The following PRKG1 variants were observed in gnomAD, a reference collection of about 807,000 sequenced individuals.
The protein encoded by PRKG1 is protein kinase cGMP-dependent 1.
In PRKG1, 35 loss-of-function variants were observed where a neutral mutation model predicts 88.1. That is an observed-to-expected ratio of 0.40 (90% CI 0.30 to 0.53). The LOEUF is 0.53. Ranked by LOEUF, PRKG1 falls within the 20% of genes least tolerant of loss-of-function variation. The pLI, the probability that PRKG1 is intolerant of heterozygous loss-of-function variation, is 0.59. For synonymous variants in PRKG1, 303 were observed against 292.5 expected (o/e 1.04, Z -0.37); for missense variants, 540 against 839.8 (o/e 0.64, Z 4.41).
chr10:51,833,443 T>C (rs2132757992), intron 4 of PRKG1, among the ~76,000 whole-genome samples: 1 of 152,320 alleles, frequency 6.6e-6, no homozygotes. Flanking sequence ...GATAGGTATG[T>C]ATTATTCCAA....
intron 3 of PRKG1, among the ~76,000 whole-genome samples, chr10:51,488,622 A>G (rs932367662): frequency 2.0e-5 from 3 of 152,166 alleles, no homozygotes; most frequent in East Asian, 3.8e-4. Flanking sequence ...AGATGTGTTT[A>G]ACTAGGATCC....
At position 51,804,925 on chromosome 10, in the gene PRKG1, C is replaced by T. The variant is rs558508094; in HGVS notation, c.698+235C>T. ...ATATTTCTGGTGCCAGTTTCCATGACGTATGGTTAAGTCAGAACTTCAGAG... is the reference window on the plus strand; with the variant it reads ...ATATTTCTGGTGCCAGTTTCCATGATGTATGGTTAAGTCAGAACTTCAGAG... On this transcript the variant is annotated intron_variant, in intron 4 of 17. Coordinates refer to ENST00000373980, the MANE Select transcript of PRKG1 (RefSeq NM_006258.4). Among the ~76,000 whole-genome samples, 14 of 152,060 alleles carry T rather than the reference C, an allele frequency of 9.2e-5. No individual in the cohort carries two copies. In the South Asian group the frequency reaches 1.0e-3, roughly 11 times the overall value.
At chr10:51,230,657 G>C (rs917261153) in intron 2 of PRKG1, among the ~76,000 whole-genome samples, 5 of 151,998 alleles carry the variant, frequency 3.3e-5, no homozygotes, top group African/African-American at 1.2e-4. Flanking sequence ...GCATAAAATA[G>C]TATTTGCATA....
intron 3 of PRKG1, among the ~76,000 whole-genome samples, chr10:51,681,110 A>C (rs539259000): frequency 6.6e-6 from 1 of 152,328 alleles, no homozygotes; most frequent in South Asian, 2.1e-4. Flanking sequence ...AATGTTATCT[A>C]GTCATAAGAT....
At chr10:51,761,100 C>T (rs929762279) in intron 3 of PRKG1, among the ~76,000 whole-genome samples, 2 of 152,134 alleles carry the variant, frequency 1.3e-5, no homozygotes, top group Non-Finnish European at 2.9e-5. Flanking sequence ...GGTTATAGGG[C>T]GAGACTGGGT....
intron 2 of PRKG1, among the ~76,000 whole-genome samples, chr10:51,366,368 TA>T (rs1432419174): frequency 6.6e-6 from 1 of 151,968 alleles, no homozygotes; most frequent in Middle Eastern, 3.2e-3. Context: ...ACTTAGATTT[TA>T]AAGAGCATTC....
chr10:51,465,527 C>T (rs1839882101), intron 2 of PRKG1, among the ~76,000 whole-genome samples: 1 of 152,152 alleles, frequency 6.6e-6, no homozygotes, highest in South Asian at 2.1e-4. Context: ...GGAGTCTCTA[C>T]CACTAGGCTG....
At chr10:51,493,444 T>C (rs1840762765) in intron 3 of PRKG1, among the ~76,000 whole-genome samples, 1 of 151,174 alleles carries the variant, frequency 6.6e-6, no homozygotes, top group African/African-American at 2.5e-5. Context: ...AAAACAATTA[T>C]ACTGCATATG....
chr10:52,207,704 G>T (rs1589700479), intron 9 of PRKG1, among the ~76,000 whole-genome samples: 1 of 152,230 alleles, frequency 6.6e-6, no homozygotes, highest in Non-Finnish European at 1.5e-5. Context: ...GATTCCAGGG[G>T]TCTATGGCAA....
intron 2 of PRKG1, among the ~76,000 whole-genome samples, chr10:51,235,671 G>T (rs575233504): frequency 4.1e-4 from 63 of 152,070 alleles, no homozygotes; most frequent in Non-Finnish European, 6.8e-4. Context: ...GTTACACAGA[G>T]ATTTTCTGAT....
chr10:51,274,284 C>A (rs2132183984), intron 2 of PRKG1, among the ~76,000 whole-genome samples: 1 of 152,250 alleles, frequency 6.6e-6, no homozygotes, highest in South Asian at 2.1e-4. Context: ...GCTGTTCTTT[C>A]CTTTCCTAGA....
In PRKG1 at chr10:52,144,967, T is replaced by C. The variant is rs191409250; in HGVS notation, c.1001+11062T>C. Among the ~76,000 whole-genome samples the C allele has an allele frequency of 9.4e-4, 143 of 152,272 alleles. 1 individual carries two copies. Among genetic ancestry groups the C allele is most frequent in the African/African-American group, 3.4e-3 (142 of 41,562 alleles). Reference sequence around the variant, plus strand: ...AAGAAAAAATAATAGATGTATGTAATAGATAAAGAATAGAACAAGACAGAG... The same window carrying C: ...AAGAAAAAATAATAGATGTATGTAACAGATAAAGAATAGAACAAGACAGAG... On this transcript the variant is annotated intron_variant, in intron 8 of 17. Transcript: ENST00000373980.
intron 2 of PRKG1, among the ~76,000 whole-genome samples, chr10:51,396,260 G>T (rs939241362): frequency 6.6e-6 from 1 of 152,028 alleles, no homozygotes. Flanking sequence ...AATTAACTGG[G>T]CGTGGTGACA....
At chr10:51,570,488 G>A (rs12267570) in intron 3 of PRKG1, among the ~76,000 whole-genome samples, 21,476 of 151,792 alleles carry the variant, frequency 0.14, 1,625 homozygotes, top group African/African-American at 0.19. Flanking sequence ...CTGAAGAAGA[G>A]GAAGGGTCTT....
intron 2 of PRKG1, among the ~76,000 whole-genome samples, chr10:51,360,663 T>C (rs1842459715): frequency 6.6e-6 from 1 of 151,976 alleles, no homozygotes. Flanking sequence ...ATTACTGTAC[T>C]ACCCACAGGC....
intron 2 of PRKG1, among the ~76,000 whole-genome samples, chr10:51,289,225 A>C (rs1487204078): frequency 6.6e-6 from 1 of 152,184 alleles, no homozygotes; most frequent in Non-Finnish European, 1.5e-5. Flanking sequence ...GTTGTTCATC[A>C]ACATTAATGG....
chr10:51,896,837 T>C (rs1240199675), intron 4 of PRKG1, among the ~76,000 whole-genome samples: 1 of 152,084 alleles, frequency 6.6e-6, no homozygotes, highest in African/African-American at 2.4e-5. Flanking sequence ...ACATATGTAA[T>C]AAAAATACAG....
intron 5 of PRKG1, among the ~76,000 whole-genome samples, chr10:51,950,976 C>T (rs1324046265): frequency 6.6e-6 from 1 of 152,178 alleles, no homozygotes; most frequent in Non-Finnish European, 1.5e-5. Flanking sequence ...TAGCTGAGTC[C>T]CGGAGCTTTT....
intron 3 of PRKG1, among the ~76,000 whole-genome samples, chr10:51,657,372 A>G (rs1840187146): frequency 6.6e-6 from 1 of 152,212 alleles, no homozygotes; most frequent in Admixed American, 6.6e-5. Flanking sequence ...CAGATGAAAT[A>G]TAGTAAGCAT....
Sources: gnomAD v4.1 joint callset for allele counts (sites outside exome capture counted in the v4.1 genomes callset) on GRCh38, gnomAD v4.1.1 for gene constraint, MANE v1.5 for transcripts, NCBI Gene and HGNC (gene_info 2026-07-23, HGNC 2026-07-21) for gene names.